ATP8A2: variants seen among roughly 807,000 people sequenced by gnomAD.
ATP8A2 encodes ATPase phospholipid transporting 8A2.
ATP8A2 carries 100 observed loss-of-function variants against 165.6 expected under a neutral mutation model. That is an observed-to-expected ratio of 0.60 (90% CI 0.51 to 0.71). The LOEUF is 0.71. ATP8A2 is among the 30% of genes least tolerant of loss of function. ATP8A2 has a pLI of 0.00. For missense variants in ATP8A2, 1,227 were observed against 1,479.5 expected (o/e 0.83, Z 2.80); for synonymous variants, 543 against 548.8 (o/e 0.99, Z 0.15).
At chr13:26,005,528 C>T (rs994342611) in intron 35 of ATP8A2, among the ~76,000 whole-genome samples, 1 of 151,910 alleles carries the variant, frequency 6.6e-6, no homozygotes, top group Non-Finnish European at 1.5e-5. Flanking sequence ...CAAAGTGTAA[C>T]ATTAGGTTGT....
intron 2 of ATP8A2, among the ~76,000 whole-genome samples, chr13:25,505,207 G>GA (rs1555284678): frequency 7.0e-6 from 1 of 142,530 alleles, no homozygotes; most frequent in Admixed American, 7.1e-5. Flanking sequence ...CGGGGCGGGG[G>GA]GGGGTGGTGG....
At chr13:25,591,220 T>TTGTTG (rs2040066875) in intron 24 of ATP8A2, 1 of 455,448 alleles carries the variant, frequency 2.2e-6, no homozygotes, top group African/African-American at 2.0e-5. Context: ...TATATTCATA[T>TTGTTG]TGTTGTGTAA....
In ATP8A2 at chr13:25,662,546, A is replaced by G. The variant is rs2042072161; in HGVS notation, c.2212-36627A>G. 5.3e-5 allele frequency among the ~76,000 whole-genome samples: 8 copies of G among 152,264 alleles called. No homozygotes were observed. The South Asian group carries it at 1.7e-3, about 32-fold the overall frequency. On this transcript the variant is annotated intron_variant, in intron 24 of 36. Transcript: ENST00000381655. Reference sequence around the variant, plus strand: ...TTTGGATTATTTGGTATAATATTATATTCTTGAAATCATCCTGTGACTGTC... The same window carrying G: ...TTTGGATTATTTGGTATAATATTATGTTCTTGAAATCATCCTGTGACTGTC...
chr13:25,598,706 T>A (rs1290286117), intron 24 of ATP8A2, among the ~76,000 whole-genome samples: 1 of 152,224 alleles, frequency 6.6e-6, no homozygotes, highest in African/African-American at 2.4e-5. Flanking sequence ...CACTTCTTTG[T>A]CATTTATGGG....
chr13:25,558,294 C>T (rs2039041204), intron 13 of ATP8A2, among the ~76,000 whole-genome samples: 1 of 152,130 alleles, frequency 6.6e-6, no homozygotes. Flanking sequence ...TTCCATACCC[C>T]TAGACTTACT....
At chr13:25,659,272 T>A (rs1481316119) in intron 24 of ATP8A2, among the ~76,000 whole-genome samples, 2 of 152,176 alleles carry the variant, frequency 1.3e-5, no homozygotes, top group East Asian at 3.9e-4. Context: ...CTGATTATGA[T>A]CATAGCAGGT....
chr13:25,422,884 A>G (rs1009514249), intron 1 of ATP8A2, among the ~76,000 whole-genome samples: 2 of 152,162 alleles, frequency 1.3e-5, no homozygotes, highest in African/African-American at 4.8e-5. Flanking sequence ...CAAAAGTATT[A>G]TTTTGTGTCA....
Position 25,502,007 on chromosome 13 carries a change from C to T in ATP8A2, c.222-27992C>T, listed in dbSNP as rs148172833. Among the ~76,000 whole-genome samples, 59 of 152,292 alleles carry T rather than the reference C, an allele frequency of 3.9e-4. 2 individuals are homozygous for T. In the East Asian group the frequency reaches 0.011, roughly 27 times the overall value. On this transcript the variant is annotated intron_variant, in intron 2 of 36. Transcript: ENST00000381655. ...AACCCTTTAATTACAGGCTGGGGAG[C>T]TCAAGAAAGGCATTGTGAATTTATT...
intron 1 of ATP8A2, among the ~76,000 whole-genome samples, chr13:25,397,105 C>T (rs1329461680): frequency 6.6e-5 from 10 of 152,168 alleles, no homozygotes; most frequent in Admixed American, 1.3e-4. Context: ...TCTAGGAAGA[C>T]GGGAACAGAG....
chr13:25,490,772 T>C (rs534160171), intron 2 of ATP8A2, among the ~76,000 whole-genome samples: 18 of 152,192 alleles, frequency 1.2e-4, no homozygotes, highest in South Asian at 8.3e-4. Flanking sequence ...TTTTTGTTTT[T>C]TTTGGAGAGG....
At chr13:25,712,532 C>T (rs917405338) in intron 25 of ATP8A2, among the ~76,000 whole-genome samples, 2 of 152,180 alleles carry the variant, frequency 1.3e-5, no homozygotes, top group African/African-American at 2.4e-5. Context: ...AATAATAAGC[C>T]TGTTTGGTAT....
chr13:25,688,491 TTTTTTTCACTTACTGA>T (rs1188148860), intron 24 of ATP8A2, among the ~76,000 whole-genome samples: 2 of 152,224 alleles, frequency 1.3e-5, no homozygotes. Context: ...TTTTTGCTTA[TTTTTTTCACTTACTGA>T]TTTTTAAAGT....
chr13:25,901,213 A>G (rs1953735797), intron 33 of ATP8A2, among the ~76,000 whole-genome samples: 1 of 152,202 alleles, frequency 6.6e-6, no homozygotes, highest in Middle Eastern at 3.2e-3. Flanking sequence ...ACTGCATTGT[A>G]CTGGAAGGGG....
At chr13:25,855,932 G>T (rs1952152557) in intron 30 of ATP8A2, among the ~76,000 whole-genome samples, 1 of 152,060 alleles carries the variant, frequency 6.6e-6, no homozygotes, top group South Asian at 2.1e-4. Context: ...GCACTTACTG[G>T]CCATTTTGAT....
intron 8 of ATP8A2, among the ~76,000 whole-genome samples, chr13:25,540,885 G>A (rs1272486519): frequency 3.4e-5 from 5 of 147,660 alleles, no homozygotes; most frequent in Non-Finnish European, 7.5e-5. Flanking sequence ...TTTTTGAGAT[G>A]GAGCCTTGCT....
At chr13:25,411,292 AGGT>A (rs1668935314) in intron 1 of ATP8A2, among the ~76,000 whole-genome samples, 2 of 152,210 alleles carry the variant, frequency 1.3e-5, no homozygotes, top group Admixed American at 1.3e-4. Context: ...GGAGAATATC[AGGT>A]GTGTTTCCAC....
chr13:25,674,792 A>G (rs1038116755), intron 24 of ATP8A2, among the ~76,000 whole-genome samples: 3 of 152,228 alleles, frequency 2.0e-5, no homozygotes, highest in African/African-American at 4.8e-5. Context: ...AATGACCACA[A>G]TAGTAAATAG....
At chr13:25,476,346 C>T (rs1008549482) in intron 2 of ATP8A2, among the ~76,000 whole-genome samples, 1 of 151,438 alleles carries the variant, frequency 6.6e-6, no homozygotes, top group South Asian at 2.1e-4. Context: ...AGTGCAGTGG[C>T]GCGAACTCCA....
At chr13:25,422,241 A>G (rs1263774207) in intron 1 of ATP8A2, among the ~76,000 whole-genome samples, 1 of 152,214 alleles carries the variant, frequency 6.6e-6, no homozygotes, top group Non-Finnish European at 1.5e-5. Context: ...GGCATTTTTG[A>G]AAGCAAGTAT....
Sources: gnomAD v4.1 joint callset for allele counts (sites outside exome capture counted in the v4.1 genomes callset) on GRCh38, gnomAD v4.1.1 for gene constraint, MANE v1.5 for transcripts, NCBI Gene and HGNC (gene_info 2026-07-23, HGNC 2026-07-21) for gene names.